NAA25: variants seen among roughly 807,000 people sequenced by gnomAD.
NAA25 encodes N-terminal acetyltransferase B complex subunit NAA25.
A neutral mutation model predicts 132.5 loss-of-function variants in NAA25; 30 were observed. The ratio of observed to expected loss-of-function variants is 0.23; its 90% confidence interval spans 0.17 to 0.31. NAA25 has a LOEUF of 0.31. Among genes scored for constraint, NAA25 ranks in the 10% least tolerant of loss-of-function variants. The pLI is 1.00. For synonymous variants in NAA25, 359 were observed against 401.9 expected, an observed-to-expected ratio of 0.89 and a Z score of 1.28; for missense variants, 771 against 1,150.4, an observed-to-expected ratio of 0.67 and a Z score of 4.77.
At chr12:112,046,694 A>T (rs2078386661) in intron 17 of NAA25, among the ~76,000 whole-genome samples, 1 of 152,244 alleles carries the variant, frequency 6.6e-6, no homozygotes, top group African/African-American at 2.4e-5. Flanking sequence ...GTGTAAATGC[A>T]TAATAAGTAT....
rs377059507 is a variant in NAA25 at position 112,097,056 on chromosome 12, G to A, written c.59-3920C>T. On this transcript the variant is annotated intron_variant, in intron 1 of 23. Coordinates refer to ENST00000261745, the MANE Select transcript of NAA25 (RefSeq NM_024953.4). ...ATGGTTTCCAGTGCCCCTGCTGAAG[G>A]GGTAGGACTAGATGACCATGTCTAG... is the stretch of plus-strand genomic sequence containing the variant. Among the ~76,000 whole-genome samples the A allele has an allele frequency of 3.3e-5, 5 of 152,110 alleles. No individual in the cohort carries two copies. The East Asian group carries it at 9.6e-4, about 29-fold the overall frequency.
At chr12:112,040,647 C>T (rs2078289520) in intron 20 of NAA25, 69 bp from the exon 21 acceptor site, 1 of 813,328 alleles carries the variant, frequency 1.2e-6, no homozygotes, top group Non-Finnish European at 2.0e-6. Context: ...ACACAACACA[C>T]AAATAAAGAA....
chr12:112,046,227 C>G (rs1234602489), intron 17 of NAA25, among the ~76,000 whole-genome samples: 1 of 152,226 alleles, frequency 6.6e-6, no homozygotes, highest in Non-Finnish European at 1.5e-5. Context: ...AGCACCAAGT[C>G]TCTACTGGGT....
chr12:112,032,576 T>C (rs1292234228), intron 23 of NAA25, among the ~76,000 whole-genome samples: 1 of 152,190 alleles, frequency 6.6e-6, no homozygotes, highest in Non-Finnish European at 1.5e-5. Flanking sequence ...ACCAACAGGC[T>C]AGAAACAGAC....
intron 11 of NAA25, among the ~76,000 whole-genome samples, chr12:112,063,547 T>C (rs1380245810): frequency 6.6e-6 from 1 of 152,104 alleles, no homozygotes; most frequent in Non-Finnish European, 1.5e-5. Flanking sequence ...ATCCGACAAA[T>C]ATGTAAGTTC....
At chr12:112,053,388 A>C (rs929227972) in intron 15 of NAA25, among the ~76,000 whole-genome samples, 170 bp downstream of exon 15, 1 of 152,138 alleles carries the variant, frequency 6.6e-6, no homozygotes, top group African/African-American at 2.4e-5. Flanking sequence ...AAACACAAAT[A>C]ACTCTCTACC....
At chr12:112,067,706 A>T (rs752385004) in intron 11 of NAA25, among the ~76,000 whole-genome samples, 9 of 152,150 alleles carry the variant, frequency 5.9e-5, no homozygotes, top group Non-Finnish European at 1.2e-4. Flanking sequence ...AAAGAAAAAA[A>T]TTAAATAAAC....
At chr12:112,032,885 G>A (rs2078168167) in intron 23 of NAA25, among the ~76,000 whole-genome samples, 1 of 152,184 alleles carries the variant, frequency 6.6e-6, no homozygotes, top group East Asian at 1.9e-4. Context: ...GGGTGGCAAG[G>A]AAGACAGCTA....
chr12:112,032,852 T>C (rs1370878152), intron 23 of NAA25, among the ~76,000 whole-genome samples: 1 of 152,202 alleles, frequency 6.6e-6, no homozygotes, highest in Non-Finnish European at 1.5e-5. Context: ...TGTCCAGCAT[T>C]TCTCCTTTCT....
chr12:112,036,451 A>G (rs2078224852), intron 22 of NAA25, among the ~76,000 whole-genome samples: 1 of 152,172 alleles, frequency 6.6e-6, no homozygotes, highest in Non-Finnish European at 1.5e-5. Context: ...CAGGGTTCTC[A>G]CTCTGAGAAA....
At chr12:112,035,506 C>G (rs1241077277) in intron 22 of NAA25, 1 of 152,056 alleles carries the variant, frequency 6.6e-6, no homozygotes. Flanking sequence ...TGTCTCTGTT[C>G]TTGTTCTTGT....
chr12:112,086,051 A>AAAAT (rs2079045728), intron 4 of NAA25, among the ~76,000 whole-genome samples: 1 of 37,378 alleles, frequency 2.7e-5, no homozygotes, highest in Non-Finnish European at 3.9e-5. Context: ...AAAAAAAAAA[A>AAAAT]ATATATATAT....
chr12:112,045,134 T>C (rs1014643752), intron 17 of NAA25, among the ~76,000 whole-genome samples: 1 of 152,188 alleles, frequency 6.6e-6, no homozygotes, highest in East Asian at 1.9e-4. Context: ...ACTCACAGTA[T>C]TATCAAGTTT....
intron 22 of NAA25, chr12:112,034,824 A>AAG (rs1215771014): frequency 6.6e-6 from 1 of 151,500 alleles, no homozygotes; most frequent in Admixed American, 6.6e-5. Context: ...AAAAAAAAAA[A>AAG]AAAAGAAAAG....
chr12:112,088,083 T>C (rs2079079957), intron 3 of NAA25, among the ~76,000 whole-genome samples: 1 of 152,196 alleles, frequency 6.6e-6, no homozygotes, highest in Admixed American at 6.6e-5. Context: ...AAACTATTTG[T>C]AGTTCCACCA....
intron 9 of NAA25, among the ~76,000 whole-genome samples, chr12:112,072,600 T>C (rs7298532): frequency 0.46 from 66,144 of 143,122 alleles, 19,054 homozygotes; most frequent in East Asian, 0.9. Flanking sequence ...CAGAGAGAGA[T>C]TCCATCTCAA....
intron 18 of NAA25, 51 bp downstream of exon 18, chr12:112,043,574 G>T: frequency 1.3e-6 from 2 of 1,597,874 alleles, no homozygotes; most frequent in Non-Finnish European, 1.7e-6. Flanking sequence ...TTATAAAACA[G>T]TCATAAATAT....
At chr12:112,070,163 A>C (rs2078784624) in intron 10 of NAA25, among the ~76,000 whole-genome samples, 1 of 152,076 alleles carries the variant, frequency 6.6e-6, no homozygotes, top group African/African-American at 2.4e-5. Flanking sequence ...CCTGTAAGCA[A>C]ATTCTTAGTA....
intron 2 of NAA25, among the ~76,000 whole-genome samples, chr12:112,091,359 C>A (rs991272140): frequency 4.0e-5 from 6 of 151,796 alleles, no homozygotes; most frequent in Non-Finnish European, 8.8e-5. Context: ...CCAGCCTAGG[C>A]AACACAGTGA....
Sources: allele counts gnomAD v4.1 joint callset (sites outside exome capture counted in the v4.1 genomes callset), GRCh38; gene constraint gnomAD v4.1.1; transcripts MANE v1.5; gene names NCBI Gene and HGNC (gene_info 2026-07-23, HGNC 2026-07-21).